FAM178B: variants seen among roughly 807,000 people sequenced by gnomAD.
FAM178B encodes protein FAM178B.
FAM178B carries 82 observed loss-of-function variants against 91.7 expected under a neutral mutation model. That is an observed-to-expected ratio of 0.89 (90% CI 0.75 to 1.07). The LOEUF is 1.07. FAM178B is among the 50% of genes least tolerant of loss of function. FAM178B has a pLI of 0.00. For synonymous variants in FAM178B, 368 were observed against 359.4 expected, an observed-to-expected ratio of 1.02 and a Z score of -0.27; for missense variants, 769 against 846.7, an observed-to-expected ratio of 0.91 and a Z score of 1.14.
intron 8 of FAM178B, among the ~76,000 whole-genome samples, chr2:96,937,743 G>A (rs1213405958): frequency 6.6e-6 from 1 of 152,072 alleles, no homozygotes; most frequent in African/African-American, 2.4e-5. Context: ...AAGAAGTGTT[G>A]GGCTGGGCGC....
chr2:96,960,361 A>G lies in FAM178B; in HGVS notation c.814T>C (p.Cys272Arg). ...HPGETVFLPR[C>R]HPLPCILDSS... Reference sequence around the variant, plus strand: ...TCCAGGATGCATGGCAGGGGGTGACACCTGGGCAGAAACACAGTCTCACCT... The same window carrying G: ...TCCAGGATGCATGGCAGGGGGTGACGCCTGGGCAGAAACACAGTCTCACCT... The change falls in exon 6 of 17, where the codon TGT becomes CGT. Residue 272 changes from cysteine (C) to arginine (R), a missense_variant. By Grantham distance (180) the Cys-to-Arg change is radical. Transcript: ENST00000490605. The G allele has an allele frequency of 1.3e-6, 2 of 1,551,784 alleles. No individual in the cohort carries two copies. The highest frequency in any genetic ancestry group is 2.7e-5 in the African/African-American group (2 of 73,158).
intron 13 of FAM178B, among the ~76,000 whole-genome samples, chr2:96,901,026 G>A (rs1383624819): frequency 1.3e-5 from 2 of 152,180 alleles, no homozygotes; most frequent in Admixed American, 6.5e-5. Flanking sequence ...GCGGAGGTGC[G>A]GGCGCGCTCA....
rs75499308 is a variant in FAM178B, at chr2:96,928,462, C to T, written c.1193+744G>A. Among the ~76,000 whole-genome samples the T allele has an allele frequency of 2.4e-4, 36 of 152,282 alleles. No homozygotes were observed. In the East Asian group the frequency reaches 2.9e-3, roughly 12 times the overall value. ...ATAGGCAAATGATCATGACTGTCCA[C>T]GAGCAAGTCAGCCCGGGGCTCAACG... On this transcript the variant is annotated intron_variant, in intron 9 of 16. Transcript: ENST00000490605.
chr2:96,891,490 G>A (rs1185061644), intron 14 of FAM178B, among the ~76,000 whole-genome samples: 1 of 152,238 alleles, frequency 6.6e-6, no homozygotes, highest in African/African-American at 2.4e-5. Flanking sequence ...AGGGAGTTCA[G>A]AGAAGGACAA....
intron 5 of FAM178B, 95 bp from the exon 6 acceptor site, chr2:96,960,535 G>GT: frequency 2.2e-6 from 3 of 1,382,554 alleles, no homozygotes; most frequent in Non-Finnish European, 2.9e-6. Context: ...GGGGGGCCAC[G>GT]GGCTCCCTGC....
intron 4 of FAM178B, among the ~76,000 whole-genome samples, chr2:96,969,368 T>C (rs2082187051): frequency 6.6e-6 from 1 of 152,190 alleles, no homozygotes; most frequent in South Asian, 2.1e-4. Flanking sequence ...CCAGAGAGCT[T>C]GTGCTCTCTC....
At chr2:96,916,796 T>C (rs1393356127) in intron 12 of FAM178B, among the ~76,000 whole-genome samples, 2 of 152,218 alleles carry the variant, frequency 1.3e-5, no homozygotes. Flanking sequence ...TGCATGAGTG[T>C]CAGCAGGAGT....
chr2:96,910,482 T>C (rs2081133522), intron 12 of FAM178B, among the ~76,000 whole-genome samples: 2 of 152,216 alleles, frequency 1.3e-5, no homozygotes, highest in African/African-American at 4.8e-5. Context: ...AATTGTGTAG[T>C]GTTGTTCCGT....
intron 6 of FAM178B, among the ~76,000 whole-genome samples, chr2:96,955,970 T>C (rs1224901059): frequency 6.6e-6 from 1 of 152,184 alleles, no homozygotes; most frequent in East Asian, 1.9e-4. Flanking sequence ...CTGCTGGATA[T>C]TCATGGAGGA....
At chr2:96,950,892 C>A (rs1429869418) in intron 7 of FAM178B, among the ~76,000 whole-genome samples, 1 of 152,204 alleles carries the variant, frequency 6.6e-6, no homozygotes, top group Non-Finnish European at 1.5e-5. Context: ...CACGAGGGAT[C>A]CAAACCAGGC....
chr2:96,947,927 C>CA (rs1559090128), intron 7 of FAM178B, 25 bp from the exon 8 acceptor site: 1 of 1,343,266 alleles, frequency 7.4e-7, no homozygotes, highest in African/African-American at 1.5e-5. Context: ...AAAACAAAAA[C>CA]AAAAACCTGG....
intron 1 of FAM178B, among the ~76,000 whole-genome samples, chr2:96,976,746 G>T (rs1049272273): frequency 3.3e-5 from 5 of 152,066 alleles, no homozygotes; most frequent in Non-Finnish European, 5.9e-5. Flanking sequence ...TACTCAGGAG[G>T]CTGAGGCAGG....
chr2:96,884,078 A>G (rs1434616050), intron 14 of FAM178B, among the ~76,000 whole-genome samples: 1 of 151,936 alleles, frequency 6.6e-6, no homozygotes, highest in African/African-American at 2.4e-5. Context: ...GGGCTGGGCC[A>G]CAATCCTTTT....
At chr2:96,936,174 A>C (rs1180402281) in intron 8 of FAM178B, among the ~76,000 whole-genome samples, 3 of 151,798 alleles carry the variant, frequency 2.0e-5, no homozygotes, top group Admixed American at 6.6e-5. Context: ...TACAACAACA[A>C]AAGTATTCTT....
At position 96,920,831 on chromosome 2, in the gene FAM178B, G is replaced by A. The variant is rs56690848; in HGVS notation, c.1562+334C>T. Among the ~76,000 whole-genome samples the A allele has an allele frequency of 4.1e-3, 620 of 151,808 alleles. 15 individuals carry two copies. The East Asian group carries it at 0.053, about 13-fold the overall frequency. On this transcript the variant is annotated intron_variant, in intron 12 of 16. Coordinates refer to ENST00000490605, the MANE Select transcript of FAM178B (RefSeq NM_001122646.3). ...AATCGAGAGTGTGCGAGTGGGAGTC[G>A]GGTGATCAGGGGACAGAATTCAGCT...
intron 8 of FAM178B, among the ~76,000 whole-genome samples, chr2:96,931,924 C>T (rs1333290863): frequency 1.3e-5 from 2 of 151,956 alleles, no homozygotes; most frequent in Non-Finnish European, 2.9e-5. Flanking sequence ...CCTTACTCGC[C>T]TCACAAACGA....
intron 16 of FAM178B, among the ~76,000 whole-genome samples, chr2:96,877,524 T>C (rs1035385742): frequency 6.6e-6 from 1 of 151,862 alleles, no homozygotes; most frequent in African/African-American, 2.4e-5. Flanking sequence ...TGCCTCAGCC[T>C]CCAGAGTAGC....
rs2080285527 is a variant in FAM178B, at chr2:96,877,923, ACGGATGTAGGT to A, written c.1963_1973del (p.Thr655LeufsTer58). On this transcript the variant is annotated frameshift_variant, in exon 16 of 17. Coordinates refer to ENST00000490605, the MANE Select transcript of FAM178B (RefSeq NM_001122646.3). LOFTEE classifies it high-confidence loss of function. ...GGCAGTGGGTCAGCAGCTCCTGCCAACGGATGTAGGTCTGGGTAGCCAGGTCCTTGAGCATG... is the reference window on the plus strand; with the variant it reads ...GGCAGTGGGTCAGCAGCTCCTGCCAACTGGGTAGCCAGGTCCTTGAGCATG... 3 of 1,613,720 alleles carry A rather than the reference ACGGATGTAGGT, an allele frequency of 1.9e-6. No individual in the cohort carries two copies. The highest frequency in any genetic ancestry group is 2.5e-6 in the Non-Finnish European group (3 of 1,179,994).
chr2:96,894,828 A>T, intron 13 of FAM178B, among the ~76,000 whole-genome samples: 1 of 43,696 alleles, frequency 2.3e-5, no homozygotes, highest in African/African-American at 1.0e-4. Flanking sequence ...GACCCCCTAT[A>T]CACCCCCACC....
Sources: gnomAD v4.1 joint callset for allele counts (sites outside exome capture counted in the v4.1 genomes callset) on GRCh38, gnomAD v4.1.1 for gene constraint, MANE v1.5 for transcripts, NCBI Gene and HGNC (gene_info 2026-07-23, HGNC 2026-07-21) for gene names.